Variants in ABLIM2 observed in about 807,000 individuals in gnomAD.
ABLIM2 encodes actin binding LIM protein family member 2, also known as actin-binding LIM protein 2.
A neutral mutation model predicts 97.7 loss-of-function variants in ABLIM2; 53 were observed. The ratio of observed to expected loss-of-function variants is 0.54; its 90% CI spans 0.44 to 0.68. The LOEUF (loss-of-function observed/expected upper bound fraction) is 0.68, where lower values mean the gene tolerates loss of function less well. Among genes scored for constraint, ABLIM2 ranks in the 30% least tolerant of loss-of-function variants. The pLI, the probability that ABLIM2 is intolerant of heterozygous loss-of-function variation, is 0.00. For missense variants in ABLIM2, 835 were observed against 867.2 expected, an observed-to-expected ratio of 0.96 and a Z score of 0.47; for synonymous variants, 361 against 345.8, an observed-to-expected ratio of 1.04 and a Z score of -0.49.
intron 3 of ABLIM2, among the ~76,000 whole-genome samples, chr4:8,091,425 TTA>T (rs1827853047): frequency 2.1e-5 from 1 of 47,232 alleles, no homozygotes; most frequent in Non-Finnish European, 4.2e-5. Context: ...ATATTATATA[TTA>T]TATATAATTA....
intron 1 of ABLIM2, among the ~76,000 whole-genome samples, chr4:8,121,059 C>G (rs908232992): frequency 2.6e-5 from 4 of 152,248 alleles, no homozygotes; most frequent in African/African-American, 9.6e-5. Context: ...CACGCCATCC[C>G]TGCAGGTGGG....
chr4:8,118,370 G>A (rs139411531), intron 1 of ABLIM2, among the ~76,000 whole-genome samples: 229 of 152,330 alleles, frequency 1.5e-3, no homozygotes, highest in African/African-American at 5.2e-3. Context: ...GTTGTAGGGA[G>A]GCCTCTGTCT....
At chr4:8,039,963 T>C (rs1164828766) in intron 9 of ABLIM2, among the ~76,000 whole-genome samples, 1 of 148,388 alleles carries the variant, frequency 6.7e-6, no homozygotes. Flanking sequence ...AAAAGCCCCA[T>C]GGTTTATGGA....
At chr4:8,116,997 C>T (rs372528242) in intron 1 of ABLIM2, among the ~76,000 whole-genome samples, 301 of 152,324 alleles carry the variant, frequency 2.0e-3, no homozygotes, top group African/African-American at 6.2e-3. Flanking sequence ...TCAGTGGCGA[C>T]GCCTGGTCTC....
At position 8,083,173 on chromosome 4, in the gene ABLIM2, G is replaced by A. The variant is rs1029681412; in HGVS notation, c.455-2371C>T. On this transcript the variant is annotated intron_variant, in intron 4 of 20. Transcript: ENST00000447017. The surrounding 1 kb of genome is among the most constrained non-coding windows in gnomAD (Gnocchi z 4.6). ...CTCTGTTGGCTTCTCTGCATGTCAA[G>A]GGAGCACAGCACATGGGGCTGTGTG... Among the ~76,000 whole-genome samples, 2 of 152,188 alleles carry A rather than the reference G, an allele frequency of 1.3e-5. No homozygotes were observed. Among genetic ancestry groups the A allele is most frequent in the Admixed American group, 1.3e-4 (2 of 15,284 alleles).
intron 3 of ABLIM2, 51 bp from the exon 4 acceptor site, chr4:8,088,335 T>G: frequency 6.2e-6 from 9 of 1,444,492 alleles, no homozygotes; most frequent in Non-Finnish European, 5.8e-6. Context: ...GGCTCCTCTC[T>G]GGGGGAGCCC....
Position 8,077,669 on chromosome 4 carries a change from A to G in ABLIM2, c.634T>C (p.Cys212Arg). The G allele has an allele frequency of 6.2e-7, 1 of 1,613,160 alleles. No homozygotes were observed. Among genetic ancestry groups the G allele is most frequent in the Non-Finnish European group, 8.5e-7 (1 of 1,179,528 alleles). Residue 212 changes from cysteine (C) to arginine (R), a missense_variant, in exon 6 of 21, where the codon TGT becomes CGT. Cys to Arg is a radical substitution (Grantham distance 180, BLOSUM62 -3). Coordinates refer to ENST00000447017, the MANE Select transcript of ABLIM2 (RefSeq NM_001130083.2). ...ADYHAKFGIR[C>R]DSCEKYITGR... is the part of the protein sequence containing the mutation. ...GTGATGTATTTCTCACAGCTGTCACAGCGGATGCCGAACTTGGCGTGATAG... is the reference window on the plus strand; with the variant it reads ...GTGATGTATTTCTCACAGCTGTCACGGCGGATGCCGAACTTGGCGTGATAG...
intron 1 of ABLIM2, among the ~76,000 whole-genome samples, chr4:8,138,735 G>A (rs1402331703): frequency 2.0e-5 from 3 of 152,134 alleles, no homozygotes; most frequent in East Asian, 1.9e-4. Context: ...AGACTTAAAC[G>A]TAAAACCCAA....
At chr4:8,016,341 G>A (rs935896274) in intron 14 of ABLIM2, among the ~76,000 whole-genome samples, 3 of 152,258 alleles carry the variant, frequency 2.0e-5, no homozygotes, top group Admixed American at 1.3e-4. Flanking sequence ...ACTGTGCCTG[G>A]CCGGTCATGA....
intron 20 of ABLIM2, among the ~76,000 whole-genome samples, chr4:7,979,587 T>G (rs139685662): frequency 6.6e-5 from 10 of 152,356 alleles, no homozygotes; most frequent in African/African-American, 2.2e-4. Context: ...AGATTAGTCT[T>G]TTTCCTTACC....
chr4:8,136,132 A>G (rs1223542441), intron 1 of ABLIM2, among the ~76,000 whole-genome samples: 1 of 152,236 alleles, frequency 6.6e-6, no homozygotes, highest in East Asian at 1.9e-4. Flanking sequence ...CTAAGAAGAA[A>G]TAAAATCCCG....
At chr4:7,972,788 C>T (rs576870053) in intron 20 of ABLIM2, among the ~76,000 whole-genome samples, 6 of 152,284 alleles carry the variant, frequency 3.9e-5, no homozygotes, top group Non-Finnish European at 7.4e-5. Context: ...TTGTCTTGGC[C>T]AGGGAGGCTG....
At chr4:8,092,112 C>T (rs1014724468) in intron 3 of ABLIM2, among the ~76,000 whole-genome samples, 1 of 150,554 alleles carries the variant, frequency 6.6e-6, no homozygotes, top group Non-Finnish European at 1.5e-5. Context: ...ATCCTCCTGC[C>T]TCAGCCTCCT....
intron 17 of ABLIM2, among the ~76,000 whole-genome samples, chr4:7,987,639 C>T (rs1745461582): frequency 1.3e-5 from 2 of 152,288 alleles, no homozygotes; most frequent in Admixed American, 6.5e-5. Flanking sequence ...TCACCTTGGA[C>T]GGTTGGAAAC....
intron 17 of ABLIM2, among the ~76,000 whole-genome samples, chr4:7,991,769 G>C (rs1748937305): frequency 1.3e-5 from 2 of 152,102 alleles, no homozygotes; most frequent in Non-Finnish European, 2.9e-5. Flanking sequence ...GAGATCCGGG[G>C]AGGCTGGGCC....
intron 7 of ABLIM2, among the ~76,000 whole-genome samples, chr4:8,056,341 G>A (rs1293565316): frequency 7.7e-6 from 1 of 130,626 alleles, no homozygotes; most frequent in Non-Finnish European, 1.6e-5. Context: ...GTCTCACTCT[G>A]TTACCCAGCA....
intron 3 of ABLIM2, among the ~76,000 whole-genome samples, chr4:8,093,991 C>T (rs1830163623): frequency 6.6e-6 from 1 of 152,174 alleles, no homozygotes; most frequent in Non-Finnish European, 1.5e-5. Flanking sequence ...CCACAGATCC[C>T]TGAGGTGCTT....
rs1830810819 is a variant in ABLIM2, at chr4:8,095,052, CTT to C, written c.338+2045_338+2046del. On this transcript the variant is annotated intron_variant, in intron 3 of 20. Coordinates refer to ENST00000447017, the MANE Select transcript of ABLIM2 (RefSeq NM_001130083.2). The surrounding 1 kb of genome is among the most constrained non-coding windows in gnomAD (Gnocchi z 4.7). ...CACTTCTTTCCTTCCTTCCTTCTTT[CTT>C]TCTTTCTCTTTCTTTCTTTCTCTCT... is the stretch of plus-strand genomic sequence containing the variant. Among the ~76,000 whole-genome samples the C allele has an allele frequency of 7.2e-6, 1 of 138,664 alleles. No homozygotes were observed. The highest frequency in any genetic ancestry group is 2.2e-4 in the East Asian group (1 of 4,618). The allele number at this position is 138,664 out of a possible 152,430, so 91.0% of individuals were successfully genotyped here.
chr4:8,056,048 G>C (rs1798843322), intron 7 of ABLIM2, among the ~76,000 whole-genome samples: 1 of 141,068 alleles, frequency 7.1e-6, no homozygotes, highest in African/African-American at 2.6e-5. Context: ...GGGAGGCAGA[G>C]GTTGCAGTGA....
Sources: gnomAD v4.1 joint callset for allele counts (sites outside exome capture counted in the v4.1 genomes callset) on GRCh38, gnomAD v4.1.1 for gene constraint, Gnocchi (gnomAD v3.1) non-coding constraint, MANE v1.5 for transcripts, NCBI Gene and HGNC (gene_info 2026-07-23, HGNC 2026-07-21) for gene names.